DOCK3: variants seen among roughly 807,000 people sequenced by gnomAD.
The protein encoded by DOCK3 is dedicator of cytokinesis 3.
In DOCK3, 60 loss-of-function variants were observed where a neutral mutation model predicts 265.6. That is an observed-to-expected ratio of 0.23 (90% CI 0.18 to 0.28). The LOEUF (loss-of-function observed/expected upper bound fraction) is 0.28, where lower values mean the gene tolerates loss of function less well. Among genes scored for constraint, DOCK3 ranks in the 10% least tolerant of loss-of-function variants. The probability of loss-of-function intolerance (pLI) is 1.00; values close to 1 mark genes in which losing one functional copy is unlikely to be tolerated. For synonymous variants in DOCK3, 881 were observed against 938.0 expected, an observed-to-expected ratio of 0.94 and a Z score of 1.11; for missense variants, 1,981 against 2,594.3, an observed-to-expected ratio of 0.76 and a Z score of 5.14.
At chr3:50,689,410 A>G (rs1387719646) in intron 1 of DOCK3, among the ~76,000 whole-genome samples, 5 of 152,194 alleles carry the variant, frequency 3.3e-5, no homozygotes, top group Admixed American at 6.5e-5. Flanking sequence ...CCTTCTTCAC[A>G]TGGCAACAGC....
intron 5 of DOCK3, among the ~76,000 whole-genome samples, chr3:51,044,078 A>G (rs898393893): frequency 1.3e-5 from 2 of 152,226 alleles, no homozygotes; most frequent in Admixed American, 1.3e-4. Context: ...AATATTGTGT[A>G]TATACCCAAA....
At position 51,152,026 on chromosome 3, in the gene DOCK3, A is replaced by G. The variant is rs553619359; in HGVS notation, c.828+5396A>G. Among the ~76,000 whole-genome samples the G allele has an allele frequency of 2.0e-3, 299 of 152,138 alleles. 1 individual carries two copies. Among genetic ancestry groups the G allele is most frequent in the Non-Finnish European group, 3.1e-3 (208 of 68,000 alleles). ...TTGTGGCATTCTCTGTATTTCCTGA[A>G]TTTGAATGTTGGCCTGCCTTGCTAG... On this transcript the variant is annotated intron_variant, in intron 10 of 52. Transcript: ENST00000266037.
At chr3:50,810,720 A>G (rs2043701131) in intron 2 of DOCK3, among the ~76,000 whole-genome samples, 1 of 152,216 alleles carries the variant, frequency 6.6e-6, no homozygotes, top group Admixed American at 6.5e-5. Flanking sequence ...GAGCCCAAAT[A>G]GAATTTTACA....
intron 10 of DOCK3, among the ~76,000 whole-genome samples, chr3:51,154,356 T>C (rs1218785266): frequency 6.6e-6 from 1 of 152,174 alleles, no homozygotes; most frequent in African/African-American, 2.4e-5. Flanking sequence ...AGCAGACCCA[T>C]GATGGCGGTT....
At chr3:50,693,773 G>A (rs2035420684) in intron 1 of DOCK3, among the ~76,000 whole-genome samples, 1 of 151,272 alleles carries the variant, frequency 6.6e-6, no homozygotes, top group African/African-American at 2.4e-5. Flanking sequence ...CTGACCTCAG[G>A]TGATCCTCCC....
intron 1 of DOCK3, among the ~76,000 whole-genome samples, chr3:50,733,132 G>A (rs1250578723): frequency 6.6e-6 from 1 of 152,142 alleles, no homozygotes; most frequent in Non-Finnish European, 1.5e-5. Flanking sequence ...ATGTATATGG[G>A]CCTAGAGTAG....
rs1304571478 is a variant in DOCK3, at chr3:51,374,369, G to A, written c.5294-100G>A. The stretch of plus-strand genomic sequence containing the variant: ...GAGTTCATCCTCACCCTAACTGTAA[G>A]GGACACCTACCCTGGTTCCCTAGTC... On this transcript the variant is annotated intron_variant, in intron 49 of 52. Transcript: ENST00000266037. This position sits in a 1 kb window ranked among gnomAD's most constrained non-coding sequence, Gnocchi z 4.8. The A allele has an allele frequency of 1.8e-6, 2 of 1,100,778 alleles. No individual in the cohort carries two copies. The highest frequency in any genetic ancestry group is 2.7e-6 in the Non-Finnish European group (2 of 743,166). The allele number at this position is 1,100,778 out of a possible 1,614,324, so 68.2% of individuals were successfully genotyped here.
rs2033848497 is a variant in DOCK3, at chr3:50,675,257, C to T, written c.-7C>T. On this transcript the variant is annotated 5_prime_UTR_variant, in exon 1 of 53. Transcript: ENST00000266037. The surrounding 1 kb of genome is among the most constrained non-coding windows in gnomAD (Gnocchi z 6.1). ...GCCGCGCCCGCGGGGCCGCGCCCGG[C>T]ACGGCCATGTGGACCCCCACGGAGG... is the stretch of plus-strand genomic sequence containing the variant. 1 of 1,217,996 alleles carries T rather than the reference C, an allele frequency of 8.2e-7. No homozygotes were observed. Among genetic ancestry groups the T allele is most frequent in the South Asian group, 3.1e-5 (1 of 32,054 alleles). 75.4% of individuals were successfully genotyped at this position (1,217,996 alleles called of 1,614,324 possible). A position where few individuals can be genotyped will look rare whatever the true frequency, so the allele number is the denominator to read the frequency against.
intron 2 of DOCK3, chr3:50,787,069 A>G (rs891178348): frequency 2.7e-6 from 2 of 734,906 alleles, no homozygotes; most frequent in Admixed American, 1.8e-5. Context: ...CGATCTTGAT[A>G]TGTTCATGAA....
At chr3:51,098,706 C>T (rs568220451) in intron 9 of DOCK3, among the ~76,000 whole-genome samples, 37 of 152,306 alleles carry the variant, frequency 2.4e-4, no homozygotes, top group African/African-American at 7.2e-4. Flanking sequence ...TAGGCCCCAT[C>T]GTATAGTCTA....
intron 49 of DOCK3, among the ~76,000 whole-genome samples, chr3:51,370,988 G>A (rs1044449073): frequency 6.6e-6 from 1 of 152,204 alleles, no homozygotes; most frequent in Non-Finnish European, 1.5e-5. Context: ...CTCACAGCAT[G>A]GCAGCTGATT....
chr3:50,812,284 T>G (rs998222594), intron 2 of DOCK3, among the ~76,000 whole-genome samples: 3 of 152,310 alleles, frequency 2.0e-5, no homozygotes, highest in Middle Eastern at 3.4e-3. Flanking sequence ...GCAAGTCCAC[T>G]GAGTAGAGTG....
chr3:50,710,710 G>A (rs187127993), intron 1 of DOCK3, among the ~76,000 whole-genome samples: 125 of 152,262 alleles, frequency 8.2e-4, no homozygotes, highest in African/African-American at 2.9e-3. Context: ...ATGTTTATGT[G>A]TGCTATAGCA....
intron 12 of DOCK3, among the ~76,000 whole-genome samples, chr3:51,163,560 A>G (rs2086238777): frequency 6.6e-6 from 1 of 152,118 alleles, no homozygotes; most frequent in Admixed American, 6.6e-5. Flanking sequence ...AGGGGTCACA[A>G]GCAGGCACAG....
chr3:50,827,023 A>T (rs572142024), intron 2 of DOCK3, among the ~76,000 whole-genome samples: 1 of 152,218 alleles, frequency 6.6e-6, no homozygotes, highest in South Asian at 2.1e-4. Context: ...CCAGGAAGAA[A>T]CTAACACTAA....
chr3:50,677,672 C>T (rs182777580), intron 1 of DOCK3, among the ~76,000 whole-genome samples: 205 of 152,270 alleles, frequency 1.3e-3, no homozygotes, highest in African/African-American at 4.6e-3. Context: ...CCTCCTTTTG[C>T]CCTGATGTTA....
At chr3:50,892,406 C>T (rs2048684728) in intron 4 of DOCK3, among the ~76,000 whole-genome samples, 1 of 152,006 alleles carries the variant, frequency 6.6e-6, no homozygotes, top group Admixed American at 6.6e-5. Context: ...GTGAAGAAGT[C>T]GCAGTACTCC....
chr3:51,349,568 G>T (rs999106893), intron 39 of DOCK3, among the ~76,000 whole-genome samples: 1 of 152,282 alleles, frequency 6.6e-6, no homozygotes, highest in African/African-American at 2.4e-5. Flanking sequence ...TCTAGCAGTG[G>T]CTTCTTAACC....
chr3:51,173,142 A>G (rs572805418), intron 12 of DOCK3, among the ~76,000 whole-genome samples: 4 of 152,116 alleles, frequency 2.6e-5, no homozygotes, highest in Non-Finnish European at 5.9e-5. Flanking sequence ...TTCTTTTTAG[A>G]CATAGTCTTA....
Sources: gnomAD v4.1 joint callset for allele counts (sites outside exome capture counted in the v4.1 genomes callset) on GRCh38, gnomAD v4.1.1 for gene constraint, Gnocchi (gnomAD v3.1) non-coding constraint, MANE v1.5 for transcripts, NCBI Gene and HGNC (gene_info 2026-07-23, HGNC 2026-07-21) for gene names.